The following AMOTL1 variants were observed in gnomAD, a reference collection of about 807,000 sequenced individuals.
AMOTL1 encodes angiomotin-like protein 1.
A neutral mutation model predicts 102.9 loss-of-function variants in AMOTL1; 45 were observed. That is an observed-to-expected ratio of 0.44 (90% CI 0.34 to 0.56). AMOTL1 has a LOEUF of 0.56. AMOTL1 is among the 20% of genes least tolerant of loss of function. The pLI, the probability that AMOTL1 is intolerant of heterozygous loss-of-function variation, is 0.01. For synonymous variants in AMOTL1, 481 were observed against 484.7 expected, an observed-to-expected ratio of 0.99 and a Z score of 0.10; for missense variants, 1,114 against 1,225.6, an observed-to-expected ratio of 0.91 and a Z score of 1.36.
At position 94,876,235 on chromosome 11, in the gene AMOTL1, G is replaced by GT. The variant is rs201338110; in HGVS notation, c.*5448dup. 134 of 152,084 alleles carry GT rather than the reference G, an allele frequency of 8.8e-4. No homozygotes were observed. Among genetic ancestry groups the GT allele is most frequent in the Middle Eastern group, 3.4e-3 (1 of 294 alleles). 9.4% of individuals were successfully genotyped at this position (152,084 alleles called of 1,614,324 possible). A position where few individuals can be genotyped will look rare whatever the true frequency, so the allele number is the denominator to read the frequency against. ...GAATCAAGGTGTTTTTTTGTTTTTTGTTTTTTTTCCTTTTGAGGAGGAACA... is the reference window on the plus strand; with the variant it reads ...GAATCAAGGTGTTTTTTTGTTTTTTGTTTTTTTTTCCTTTTGAGGAGGAACA... On this transcript the variant is annotated 3_prime_UTR_variant, in exon 13 of 13. Coordinates refer to ENST00000433060, the MANE Select transcript of AMOTL1 (RefSeq NM_130847.3).
chr11:94,764,154 A>G (rs1950827665), upstream of AMOTL1, among the ~76,000 whole-genome samples: 1 of 152,054 alleles, frequency 6.6e-6, no homozygotes, highest in South Asian at 2.1e-4. Flanking sequence ...ATGCTCCCAT[A>G]ATGCTTTGTG....
intron 4 of AMOTL1, among the ~76,000 whole-genome samples, chr11:94,823,818 C>T (rs1022492302): frequency 5.3e-5 from 8 of 151,394 alleles, no homozygotes; most frequent in Non-Finnish European, 1.0e-4. Flanking sequence ...CAGGTTCAAG[C>T]GATTCTCCTG....
chr11:94,843,046 A>T (rs894642537), intron 6 of AMOTL1, among the ~76,000 whole-genome samples: 1 of 152,214 alleles, frequency 6.6e-6, no homozygotes, highest in Non-Finnish European at 1.5e-5. Context: ...GAACCCTGGT[A>T]ATCTGCACCA....
chr11:94,864,987 C>G (rs983134579), intron 10 of AMOTL1, 127 bp downstream of exon 10: 1 of 1,299,070 alleles, frequency 7.7e-7, no homozygotes, highest in Admixed American at 2.6e-5. Flanking sequence ...CTCTCCTCCC[C>G]CATGCTGTGC....
intron 1 of AMOTL1, among the ~76,000 whole-genome samples, chr11:94,774,069 T>C (rs1950990895): frequency 6.6e-6 from 1 of 152,216 alleles, no homozygotes; most frequent in Admixed American, 6.5e-5. Context: ...GCTGGGCACG[T>C]TGAAAGCATT....
intron 6 of AMOTL1, among the ~76,000 whole-genome samples, chr11:94,833,934 G>A (rs1367927999): frequency 6.6e-6 from 1 of 152,118 alleles, no homozygotes; most frequent in Admixed American, 6.5e-5. Context: ...GAGGAGGTTG[G>A]GATTAGATAA....
chr11:94,744,840 A>C (rs990747867), intron 3 of AMOTL1, among the ~76,000 whole-genome samples: 3 of 152,234 alleles, frequency 2.0e-5, no homozygotes, highest in African/African-American at 7.2e-5. Context: ...CACACATAAC[A>C]GAACCTGGTA....
At chr11:94,858,222 G>A (rs1307752066) in intron 8 of AMOTL1, among the ~76,000 whole-genome samples, 1 of 152,148 alleles carries the variant, frequency 6.6e-6, no homozygotes, top group Non-Finnish European at 1.5e-5. Flanking sequence ...TCCTGCCTGA[G>A]GCTAGGTGCC....
chr11:94,783,477 G>A lies in AMOTL1; in HGVS notation c.50-11534G>A, dbSNP rs184396146. ...GCTTTGTAGTGAACTCCATGAAATT[G>A]TACACGAAATATATGTGTGTACAAC... On this transcript the variant is annotated intron_variant, in intron 1 of 12. Coordinates refer to ENST00000433060, the MANE Select transcript of AMOTL1 (RefSeq NM_130847.3). Among the ~76,000 whole-genome samples the A allele has an allele frequency of 1.0e-3, 159 of 152,294 alleles. 1 individual carries two copies. Among genetic ancestry groups the A allele is most frequent in the African/African-American group, 3.6e-3 (150 of 41,550 alleles).
At chr11:94,741,483 G>A (rs539558928) in intron 3 of AMOTL1, among the ~76,000 whole-genome samples, 1 of 152,124 alleles carries the variant, frequency 6.6e-6, no homozygotes, top group African/African-American at 2.4e-5. Flanking sequence ...TAAACTGTAA[G>A]ACCTAGGAGC....
chr11:94,772,786 A>G (rs577999332), intron 1 of AMOTL1, among the ~76,000 whole-genome samples: 1 of 152,352 alleles, frequency 6.6e-6, no homozygotes, highest in African/African-American at 2.4e-5. Flanking sequence ...AGAAATTGCC[A>G]AACTTTTCCA....
At chr11:94,812,043 G>T (rs923418138) in intron 3 of AMOTL1, among the ~76,000 whole-genome samples, 1 of 152,158 alleles carries the variant, frequency 6.6e-6, no homozygotes, top group Admixed American at 6.5e-5. Flanking sequence ...TTTAGATCTC[G>T]ATCACATTTG....
intron 11 of AMOTL1, chr11:94,866,736 G>T (rs1952892778): frequency 6.1e-6 from 1 of 163,544 alleles, no homozygotes; most frequent in Non-Finnish European, 1.3e-5. Context: ...ATGGGGGGAG[G>T]ACAGTGTCTG....
intron 3 of AMOTL1, among the ~76,000 whole-genome samples, chr11:94,755,716 C>T (rs1277305626): frequency 1.3e-5 from 2 of 152,128 alleles, no homozygotes; most frequent in Admixed American, 6.5e-5. Context: ...CGCATGCAGA[C>T]AGGCAGGTTG....
At chr11:94,710,886 C>T (rs1048300548) in intron 1 of AMOTL1, among the ~76,000 whole-genome samples, 1 of 152,158 alleles carries the variant, frequency 6.6e-6, no homozygotes, top group African/African-American at 2.4e-5. Context: ...TTACCTTCCA[C>T]TCTGTAGCAG....
intron 1 of AMOTL1, among the ~76,000 whole-genome samples, chr11:94,788,109 C>G (rs1383183121): frequency 6.6e-6 from 1 of 152,164 alleles, no homozygotes; most frequent in African/African-American, 2.4e-5. Context: ...CTAGGTCGTT[C>G]TAACTGCTGG....
chr11:94,709,716 T>G (rs1400572255), intron 1 of AMOTL1, among the ~76,000 whole-genome samples: 1 of 152,064 alleles, frequency 6.6e-6, no homozygotes, highest in African/African-American at 2.4e-5. Flanking sequence ...AGACCCTGAA[T>G]AAGAACCACT....
chr11:94,751,068 G>A (rs1391338065), intron 3 of AMOTL1, among the ~76,000 whole-genome samples: 2 of 152,080 alleles, frequency 1.3e-5, no homozygotes, highest in Non-Finnish European at 2.9e-5. Context: ...TTTCTAGGAA[G>A]GAGAATGTAC....
intron 3 of AMOTL1, among the ~76,000 whole-genome samples, chr11:94,748,006 A>T (rs1325332407): frequency 2.6e-5 from 4 of 152,198 alleles, no homozygotes; most frequent in African/African-American, 9.7e-5. Context: ...AGGAGAAGAC[A>T]CACATTGGTG....
Sources: gnomAD v4.1 joint callset for allele counts (sites outside exome capture counted in the v4.1 genomes callset) on GRCh38, gnomAD v4.1.1 for gene constraint, MANE v1.5 for transcripts, NCBI Gene and HGNC (gene_info 2026-07-23, HGNC 2026-07-21) for gene names.